STAG2: variants seen among roughly 807,000 people sequenced by gnomAD.
The protein encoded by STAG2 is cohesin subunit SA-2.
A neutral mutation model predicts 108.1 loss-of-function variants in STAG2; 14 were observed. That is an observed-to-expected ratio of 0.13 (90% CI 0.09 to 0.20). The LOEUF (loss-of-function observed/expected upper bound fraction) is 0.20, where lower values mean the gene tolerates loss of function less well. Among genes scored for constraint, STAG2 ranks in the 10% least tolerant of loss-of-function variants. STAG2 has a pLI of 1.00. For missense variants in STAG2, 440 were observed against 940.9 expected, an observed-to-expected ratio of 0.47 and a Z score of 6.96; for synonymous variants, 307 against 302.7, an observed-to-expected ratio of 1.01 and a Z score of -0.15.
chrX:124,093,466 A>G (rs914797691), intron 32 of STAG2, among the ~76,000 whole-genome samples: 8 of 96,712 alleles, frequency 8.3e-5, no homozygotes, highest in Non-Finnish European at 1.2e-4. Flanking sequence ...TCTTAGTCTT[A>G]TTCATCTTTT....
Position 124,100,883 on chromosome X carries a change from T to TA in STAG2, c.*301dup, listed in dbSNP as rs67492414. 0.051 allele frequency: 8,110 copies of TA among 159,262 alleles called. 11 individuals are homozygous for TA. The highest frequency in any genetic ancestry group is 0.076 in the East Asian group (752 of 9,920). 13.1% of individuals were successfully genotyped at this position (159,262 alleles called of 1,213,427 possible). Reference sequence around the variant, plus strand: ...GAATCGATTATTTCATGCTTTTTTTTAAAAAAAAAAAAAAACAAAATAACA... The same window carrying TA: ...GAATCGATTATTTCATGCTTTTTTTTAAAAAAAAAAAAAAAACAAAATAACA... On this transcript the variant is annotated 3_prime_UTR_variant, in exon 35 of 35. Coordinates refer to ENST00000371145, the MANE Select transcript of STAG2 (RefSeq NM_001042750.2).
At chrX:124,084,321 G>A (rs1044310364) in intron 29 of STAG2, among the ~76,000 whole-genome samples, 1 of 110,577 alleles carries the variant, frequency 9.0e-6, no homozygotes, top group African/African-American at 3.3e-5. Flanking sequence ...GAACACTAGG[G>A]TACTAGAGTT....
In STAG2 at chrX:124,061,874, G is replaced by A. The variant is rs1424875279; in HGVS notation, c.1638G>A (p.Arg546=). Residue 546 remains arginine, a splice_region_variant and synonymous_variant, in exon 17 of 35, where the codon AGG becomes AGA. Transcript: ENST00000371145. ...CCGTGGGAAGAGGGACAGGAAAAAG[G>A]GTATGCCAATCAATGTCTTTTCAAT... ...HPPVGRGTGK[R]VLTAKEKKTQ... 8.7e-7 allele frequency: 1 copy of A among 1,154,431 alleles called. No homozygotes were observed. Among genetic ancestry groups the A allele is most frequent in the Non-Finnish European group, 1.2e-6 (1 of 857,263 alleles).
chrX:123,990,707 T>G (rs900779897), intron 1 of STAG2, among the ~76,000 whole-genome samples: 3 of 111,814 alleles, frequency 2.7e-5, no homozygotes, highest in African/African-American at 9.8e-5. Context: ...AGGTAGTGAT[T>G]ATCTCAGAGA....
chrX:123,961,371 G>A (rs922375437), upstream of STAG2: 8 of 107,720 alleles, frequency 7.4e-5, no homozygotes, highest in African/African-American at 6.8e-5. Context: ...GCTTCTCTGT[G>A]TAGCAGTAGA....
At chrX:124,021,633 T>G (rs1053275988) in intron 2 of STAG2, among the ~76,000 whole-genome samples, 2 of 112,038 alleles carry the variant, frequency 1.8e-5, no homozygotes, top group Non-Finnish European at 3.8e-5. Context: ...TTATTGGCAT[T>G]TAAATTGATC....
chrX:124,013,808 T>C (rs952739578), intron 1 of STAG2, among the ~76,000 whole-genome samples: 3 of 111,074 alleles, frequency 2.7e-5, no homozygotes, highest in Admixed American at 1.9e-4. Context: ...AGCAGGAACA[T>C]GTCAGACGGG....
chrX:124,055,139 A>G (rs180884373), intron 13 of STAG2, among the ~76,000 whole-genome samples: 229 of 112,281 alleles, frequency 2.0e-3, no homozygotes, highest in African/African-American at 7.2e-3. Context: ...ATAAAGAGCA[A>G]TTGAAATCAG....
At position 124,065,887 on chromosome X, in the gene STAG2, T is replaced by C; in HGVS notation, c.2037T>C (p.Pro679=). The change falls in exon 21 of 35, where the codon CCT becomes CCC. Residue 679 remains proline (P), a synonymous_variant. Coordinates refer to ENST00000371145, the MANE Select transcript of STAG2 (RefSeq NM_001042750.2). ...LEDFLQEGEE[P]DEDDAYQVLS... is the part of the protein sequence containing the mutation. ...ATTAATATTTATAGGGTGAAGAACCTGATGAAGATGATGCATATCAGGTAT... is the reference window on the plus strand; with the variant it reads ...ATTAATATTTATAGGGTGAAGAACCCGATGAAGATGATGCATATCAGGTAT... The C allele has an allele frequency of 8.6e-7, 1 of 1,161,807 alleles. No individual in the cohort carries two copies. The highest frequency in any genetic ancestry group is 1.2e-6 in the Non-Finnish European group (1 of 868,344).
chrX:124,087,573 G>A (rs1488167605), intron 30 of STAG2, among the ~76,000 whole-genome samples: 2 of 111,659 alleles, frequency 1.8e-5, no homozygotes, highest in African/African-American at 3.3e-5. Context: ...GAACACCAAC[G>A]TGTGACTTCT....
intron 25 of STAG2, among the ~76,000 whole-genome samples, chrX:124,072,906 T>G: frequency 1.7e-5 from 1 of 59,658 alleles, no homozygotes; most frequent in Non-Finnish European, 3.1e-5. Context: ...CTTTCTTTCT[T>G]TTTTTTTTTT....
intron 1 of STAG2, among the ~76,000 whole-genome samples, chrX:124,001,901 A>T (rs1329814408): frequency 8.9e-6 from 1 of 111,786 alleles, no homozygotes; most frequent in Non-Finnish European, 1.9e-5. Context: ...ATCACCCATG[A>T]TATATACTCC....
chrX:123,967,442 T>G (rs1028175381), intron 1 of STAG2, among the ~76,000 whole-genome samples: 7 of 108,848 alleles, frequency 6.4e-5, no homozygotes, highest in African/African-American at 2.3e-4. Context: ...ATTTTGTACT[T>G]TTAGTAGAGA....
intron 1 of STAG2, among the ~76,000 whole-genome samples, chrX:123,972,492 T>C (rs896960471): frequency 2.8e-5 from 3 of 108,644 alleles, no homozygotes; most frequent in South Asian, 4.0e-4. Flanking sequence ...AGGATGGTCT[T>C]GATCTCCTGA....
chrX:123,974,436 G>A (rs761392266), intron 1 of STAG2, among the ~76,000 whole-genome samples: 2 of 107,830 alleles, frequency 1.9e-5, no homozygotes, highest in African/African-American at 6.8e-5. Flanking sequence ...GTGTTGGCCA[G>A]GCTTGTATCG....
chrX:124,099,452 G>C (rs906600555), intron 34 of STAG2, among the ~76,000 whole-genome samples: 2 of 111,413 alleles, frequency 1.8e-5, no homozygotes, highest in Non-Finnish European at 3.8e-5. Flanking sequence ...AAGCATGCGG[G>C]AAGGGGAGAG....
At chrX:124,009,560 T>G (rs996168431) in intron 1 of STAG2, among the ~76,000 whole-genome samples, 4 of 110,936 alleles carry the variant, frequency 3.6e-5, no homozygotes, top group African/African-American at 1.3e-4. Flanking sequence ...GGGTAATTCC[T>G]AAATCTTAGT....
chrX:124,027,629 C>T (rs907843895), intron 4 of STAG2, among the ~76,000 whole-genome samples: 3 of 111,503 alleles, frequency 2.7e-5, no homozygotes, highest in Non-Finnish European at 5.6e-5. Flanking sequence ...ACAATAATAG[C>T]AACTGCATTT....
intron 1 of STAG2, among the ~76,000 whole-genome samples, chrX:123,998,902 C>T (rs776894576): frequency 3.6e-5 from 4 of 110,650 alleles, no homozygotes; most frequent in African/African-American, 1.3e-4. Flanking sequence ...GGGAGTATCA[C>T]GAGACCAGCC....
Sources: allele counts gnomAD v4.1 joint callset (sites outside exome capture counted in the v4.1 genomes callset), GRCh38; gene constraint gnomAD v4.1.1; transcripts MANE v1.5; gene names NCBI Gene and HGNC (gene_info 2026-07-23, HGNC 2026-07-21).